Variants in ERI3 observed in about 807,000 individuals in gnomAD.
ERI3 encodes ERI1 exoribonuclease family member 3.
In ERI3, 18 loss-of-function variants were observed where a neutral mutation model predicts 44.4. That is an observed-to-expected ratio of 0.41 (90% CI 0.28 to 0.60). The LOEUF is 0.60. ERI3 is among the 20% of genes least tolerant of loss of function. The pLI is 0.36. For synonymous variants in ERI3, 183 were observed against 164.8 expected (o/e 1.11, Z -0.84); for missense variants, 294 against 435.5 (o/e 0.68, Z 2.89).
intron 2 of ERI3, among the ~76,000 whole-genome samples, chr1:44,341,915 CA>C (rs569447772): frequency 1.6e-3 from 237 of 151,444 alleles, no homozygotes; most frequent in Non-Finnish European, 2.9e-3. Context: ...CAAAACAAAA[CA>C]AAAAAACTTC....
At chr1:44,348,627 C>G (rs2154332237) in intron 2 of ERI3, among the ~76,000 whole-genome samples, 1 of 152,338 alleles carries the variant, frequency 6.6e-6, no homozygotes, top group Non-Finnish European at 1.5e-5. Context: ...AGTCTGCTTC[C>G]CAACAGTTCT....
At chr1:44,284,759 A>G in intron 7 of ERI3, 76 bp downstream of exon 7, 1 of 1,116,126 alleles carries the variant, frequency 9.0e-7, no homozygotes, top group Non-Finnish European at 1.4e-6. Context: ...AGATATAAGA[A>G]AAGAAAGCAA....
At chr1:44,261,260 G>A (rs1265467997) in intron 7 of ERI3, among the ~76,000 whole-genome samples, 1 of 152,260 alleles carries the variant, frequency 6.6e-6, no homozygotes, top group African/African-American at 2.4e-5. Flanking sequence ...TGAGAGCGTG[G>A]CACGCCCCAG....
At chr1:44,264,085 A>G (rs1465529984) in intron 7 of ERI3, among the ~76,000 whole-genome samples, 1 of 152,086 alleles carries the variant, frequency 6.6e-6, no homozygotes, top group African/African-American at 2.4e-5. Context: ...CAGAGCAGGA[A>G]AGGAGAAGTT....
chr1:44,323,326 C>CAGT (rs1400088362), intron 3 of ERI3, among the ~76,000 whole-genome samples: 2 of 152,180 alleles, frequency 1.3e-5, no homozygotes, highest in Non-Finnish European at 2.9e-5. Flanking sequence ...AAACAAAGAA[C>CAGT]AGTACACTGT....
At chr1:44,278,483 A>AG (rs1445921449) in intron 7 of ERI3, among the ~76,000 whole-genome samples, 1 of 151,954 alleles carries the variant, frequency 6.6e-6, no homozygotes. Context: ...TCAGGAAAAA[A>AG]AAAAAAAAAA....
At chr1:44,306,659 G>C (rs1318691396) in intron 6 of ERI3, among the ~76,000 whole-genome samples, 1 of 152,204 alleles carries the variant, frequency 6.6e-6, no homozygotes, top group South Asian at 2.1e-4. Flanking sequence ...CCAACCTCAT[G>C]CACGGGAAAG....
intron 2 of ERI3, among the ~76,000 whole-genome samples, chr1:44,346,469 A>G: frequency 6.6e-6 from 1 of 152,228 alleles, no homozygotes; most frequent in Non-Finnish European, 1.5e-5. Context: ...CCAAAGCTTG[A>G]AGACATCTTT....
intron 6 of ERI3, among the ~76,000 whole-genome samples, chr1:44,300,599 T>C (rs916565498): frequency 6.6e-6 from 1 of 152,164 alleles, no homozygotes; most frequent in Non-Finnish European, 1.5e-5. Flanking sequence ...GGAGCCAAGG[T>C]TGGGAACCAG....
intron 3 of ERI3, among the ~76,000 whole-genome samples, chr1:44,338,277 A>AT (rs1319267291): frequency 1.3e-5 from 2 of 152,220 alleles, no homozygotes; most frequent in African/African-American, 4.8e-5. Context: ...TGAGTCAGGA[A>AT]TTTGAGAGTG....
intron 4 of ERI3, among the ~76,000 whole-genome samples, chr1:44,316,529 G>GT (rs1646091621): frequency 6.6e-6 from 1 of 152,224 alleles, no homozygotes; most frequent in Non-Finnish European, 1.5e-5. Flanking sequence ...AGGAAACTCA[G>GT]TGCCAATAGC....
chr1:44,319,445 C>G (rs912295536), intron 4 of ERI3, among the ~76,000 whole-genome samples, 183 bp downstream of exon 4: 1 of 152,184 alleles, frequency 6.6e-6, no homozygotes, highest in African/African-American at 2.4e-5. Context: ...TCCCTGGGTC[C>G]CCAGTAACAA....
intron 3 of ERI3, among the ~76,000 whole-genome samples, chr1:44,320,723 C>T (rs761813793): frequency 4.0e-5 from 6 of 151,870 alleles, no homozygotes; most frequent in African/African-American, 7.3e-5. Flanking sequence ...TTTTTATTAG[C>T]GCTTTCATAA....
intron 6 of ERI3, among the ~76,000 whole-genome samples, chr1:44,303,297 T>C (rs906376956): frequency 6.6e-6 from 1 of 152,218 alleles, no homozygotes; most frequent in African/African-American, 2.4e-5. Context: ...TTCAGGCTGG[T>C]GTAGCAAGGC....
chr1:44,284,122 T>C (rs1220151864), intron 7 of ERI3: 2 of 468,220 alleles, frequency 4.3e-6, no homozygotes, highest in African/African-American at 2.0e-5. Flanking sequence ...CTGGGCCTCC[T>C]GGAGCAAGGA....
At position 44,281,878 on chromosome 1, in the gene ERI3, ATGTGTGTGTGTGTGTGTGTGTGTG is replaced by A. The variant is rs10574197; in HGVS notation, c.831+2933_831+2956del. ...CATGTGTATATTTATACATGTGCAT[ATGTGTGTGTGTGTGTGTGTGTGTG>A]TGTGTGTGTGTGTGTGTGTGTGTGT... On this transcript the variant is annotated intron_variant, in intron 7 of 8. Transcript: ENST00000372257. 2.5e-3 allele frequency among the ~76,000 whole-genome samples: 315 copies of A among 127,022 alleles called. 1 individual carries two copies. Among genetic ancestry groups the A allele is most frequent in the African/African-American group, 8.8e-3 (304 of 34,422 alleles). 83.3% of individuals were successfully genotyped at this position (127,022 alleles called of 152,430 possible). A position where few individuals can be genotyped will look rare whatever the true frequency, so the allele number is the denominator to read the frequency against.
At chr1:44,262,802 A>G (rs970355213) in intron 7 of ERI3, among the ~76,000 whole-genome samples, 1 of 152,200 alleles carries the variant, frequency 6.6e-6, no homozygotes, top group East Asian at 1.9e-4. Context: ...GGTCCCATCT[A>G]GGGAACATCT....
chr1:44,325,361 C>T (rs915174651), intron 3 of ERI3, among the ~76,000 whole-genome samples: 1 of 152,140 alleles, frequency 6.6e-6, no homozygotes, highest in Non-Finnish European at 1.5e-5. Flanking sequence ...AGGCTTGAGC[C>T]ACCACGCCCG....
At chr1:44,224,812 T>G (rs1028233039) in intron 8 of ERI3, among the ~76,000 whole-genome samples, 1 of 152,154 alleles carries the variant, frequency 6.6e-6, no homozygotes, top group African/African-American at 2.4e-5. Context: ...ACTGGCCCAC[T>G]ACAATAAAGA....
Sources: gnomAD v4.1 joint callset for allele counts (sites outside exome capture counted in the v4.1 genomes callset) on GRCh38, gnomAD v4.1.1 for gene constraint, MANE v1.5 for transcripts, NCBI Gene and HGNC (gene_info 2026-07-23, HGNC 2026-07-21) for gene names.